MORN5: variants seen among roughly 807,000 people sequenced by gnomAD.
MORN5 encodes the protein MORN repeat containing 5, also known as MORN repeat-containing protein 5.
In MORN5, 21 loss-of-function variants were observed where a neutral mutation model predicts 22.1. The observed-to-expected ratio is 0.95, with a 90% CI of 0.67 to 1.37. The LOEUF is 1.37. Among genes scored for constraint, MORN5 ranks in the 40% most tolerant of loss-of-function variants. The pLI, the probability that MORN5 is intolerant of heterozygous loss-of-function variation, is 0.00. For missense variants in MORN5, 211 were observed against 215.1 expected, an observed-to-expected ratio of 0.98 and a Z score of 0.12; for synonymous variants, 73 against 74.0, an observed-to-expected ratio of 0.99 and a Z score of 0.07.
chr9:122,168,633 G>T (rs1829322189), intron 2 of MORN5, among the ~76,000 whole-genome samples: 1 of 152,172 alleles, frequency 6.6e-6, no homozygotes, highest in Non-Finnish European at 1.5e-5. Flanking sequence ...TCTACATCCT[G>T]AGGCTTCCTT....
At chr9:122,164,591 G>C in intron 1 of MORN5, 1 of 985,700 alleles carries the variant, frequency 1.0e-6, no homozygotes. Flanking sequence ...GATGAGTTCT[G>C]TTTTAGGCGA....
chr9:122,175,511 G>A (rs1165815754), intron 4 of MORN5: 1 of 985,306 alleles, frequency 1.0e-6, no homozygotes, highest in Non-Finnish European at 1.2e-6. Context: ...ATCCTTTTCT[G>A]AAGTCACACT....
intron 4 of MORN5, among the ~76,000 whole-genome samples, chr9:122,182,097 G>A (rs1829544624): frequency 1.3e-5 from 2 of 152,224 alleles, no homozygotes; most frequent in Admixed American, 1.3e-4. Flanking sequence ...GCAAATGCTT[G>A]ATTATGGCAT....
At chr9:122,185,823 C>T (rs543037135) in intron 4 of MORN5, among the ~76,000 whole-genome samples, 1 of 152,336 alleles carries the variant, frequency 6.6e-6, no homozygotes, top group Non-Finnish European at 1.5e-5. Flanking sequence ...ACCCTGGTTT[C>T]CCACTGCTGG....
At chr9:122,167,980 GA>G (rs1829311935) in intron 2 of MORN5, among the ~76,000 whole-genome samples, 1 of 152,044 alleles carries the variant, frequency 6.6e-6, no homozygotes, top group African/African-American at 2.4e-5. Flanking sequence ...CTCTCACCCT[GA>G]CCTTACTATT....
chr9:122,183,966 T>C (rs1246135830), intron 4 of MORN5, among the ~76,000 whole-genome samples: 1 of 152,112 alleles, frequency 6.6e-6, no homozygotes, highest in African/African-American at 2.4e-5. Flanking sequence ...CTCCATTAAA[T>C]GGACAATGGG....
chr9:122,186,694 G>A (rs1162359891), intron 4 of MORN5, among the ~76,000 whole-genome samples: 3 of 151,966 alleles, frequency 2.0e-5, no homozygotes, highest in African/African-American at 7.3e-5. Context: ...GCCGCCCCCC[G>A]ACTCCCCCAC....
intron 4 of MORN5, among the ~76,000 whole-genome samples, chr9:122,177,065 C>A (rs971083469): frequency 6.6e-6 from 1 of 152,188 alleles, no homozygotes; most frequent in Non-Finnish European, 1.5e-5. Flanking sequence ...CAGAGGGACC[C>A]CCCAGGACCT....
intron 3 of MORN5, 114 bp downstream of exon 3, chr9:122,169,870 C>A: frequency 1.3e-6 from 1 of 780,712 alleles, no homozygotes; most frequent in Non-Finnish European, 2.2e-6. Context: ...AGGAACTGAG[C>A]AGGCGTAGAA....
chr9:122,196,673 C>A (rs1829899808), intron 4 of MORN5, among the ~76,000 whole-genome samples: 1 of 152,200 alleles, frequency 6.6e-6, no homozygotes, highest in Non-Finnish European at 1.5e-5. Context: ...TGTCAATACC[C>A]ATTAGTGAAA....
intron 4 of MORN5, among the ~76,000 whole-genome samples, chr9:122,185,198 G>T (rs1829599684): frequency 6.6e-6 from 1 of 151,660 alleles, no homozygotes; most frequent in African/African-American, 2.4e-5. Context: ...TGGGACTACA[G>T]GCGCCCACCA....
intron 3 of MORN5, among the ~76,000 whole-genome samples, chr9:122,172,748 C>T (rs553681022): frequency 6.6e-6 from 1 of 152,314 alleles, no homozygotes; most frequent in Non-Finnish European, 1.5e-5. Flanking sequence ...ACAGTGGGTA[C>T]TCGTTAAAGA....
intron 4 of MORN5, among the ~76,000 whole-genome samples, chr9:122,192,343 C>T (rs1377207153): frequency 6.6e-6 from 1 of 152,178 alleles, no homozygotes; most frequent in African/African-American, 2.4e-5. Flanking sequence ...TCAAGACAGG[C>T]ATCTTTGTAG....
At position 122,169,772 on chromosome 9, in the gene MORN5, C is replaced by G; in HGVS notation, c.307+16C>G. 1 of 1,518,194 alleles carries G rather than the reference C, an allele frequency of 6.6e-7. No homozygotes were observed. The highest frequency in any genetic ancestry group is 9.2e-7 in the Non-Finnish European group (1 of 1,092,216). 94.0% of individuals were successfully genotyped at this position (1,518,194 alleles called of 1,614,324 possible). Reference sequence around the variant, plus strand: ...AAGCCTGCAGGTACCCAGGCACCCACCCTTTCCTTCATACCCAAACTGAGA... The same window carrying G: ...AAGCCTGCAGGTACCCAGGCACCCAGCCTTTCCTTCATACCCAAACTGAGA... On this transcript the variant is annotated intron_variant, in intron 3 of 4. Transcript: ENST00000373764.
chr9:122,167,013 T>G, intron 2 of MORN5, 98 bp downstream of exon 2: 1 of 1,196,286 alleles, frequency 8.4e-7, no homozygotes, highest in Non-Finnish European at 1.2e-6. Context: ...GTGCCCACCT[T>G]GTTCCATTCA....
chr9:122,177,222 T>A (rs532864522), intron 4 of MORN5, among the ~76,000 whole-genome samples: 45 of 151,938 alleles, frequency 3.0e-4, no homozygotes, highest in African/African-American at 1.0e-3. Context: ...ATTCTAGGAG[T>A]GTGGAAAAAA....
chr9:122,199,953 C>T lies in MORN5; in HGVS notation c.*22C>T. On this transcript the variant is annotated 3_prime_UTR_variant, in exon 5 of 5. Transcript: ENST00000373764. The stretch of plus-strand genomic sequence containing the variant: ...CTAGGATGAGATCGTGGGTCACAGG[C>T]CCGAGCCGTGAACTCTGTGGCTGCC... 6.2e-7 allele frequency: 1 copy of T among 1,613,556 alleles called. No homozygotes were observed. The highest frequency in any genetic ancestry group is 1.7e-5 in the Admixed American group (1 of 60,022).
chr9:122,163,062 A>G (rs1159570094), intron 1 of MORN5, among the ~76,000 whole-genome samples: 1 of 152,130 alleles, frequency 6.6e-6, no homozygotes, highest in African/African-American at 2.4e-5. Context: ...AAAAAAGGTT[A>G]ATGTAGTATC....
In MORN5 at chr9:122,174,623, C is replaced by T. The variant is rs536933863; in HGVS notation, c.435C>T (p.Asn145=). Reference sequence around the variant, plus strand: ...ACTATAGGAACCGCTTTCTAAGAAACGCAGGTAGGTTTCTTCCGACACTGC... The same window carrying T: ...ACTATAGGAACCGCTTTCTAAGAAATGCAGGTAGGTTTCTTCCGACACTGC... ...VKDYRNRFLR[N]ADDDEHEWIT... The change falls in exon 4 of 5, where the codon AAC becomes AAT. Residue 145 remains asparagine, a synonymous_variant. Coordinates refer to ENST00000373764, the MANE Select transcript of MORN5 (RefSeq NM_198469.4). 1.3e-5 allele frequency: 21 copies of T among 1,614,068 alleles called. No individual in the cohort carries two copies. The highest frequency in any genetic ancestry group is 9.3e-5 in the African/African-American group (7 of 75,030).
Sources: gnomAD v4.1 joint callset for allele counts (sites outside exome capture counted in the v4.1 genomes callset) on GRCh38, gnomAD v4.1.1 for gene constraint, MANE v1.5 for transcripts, NCBI Gene and HGNC (gene_info 2026-07-23, HGNC 2026-07-21) for gene names.